OR56A3: variants seen among roughly 807,000 people sequenced by gnomAD.
The protein encoded by OR56A3 is olfactory receptor family 56 subfamily A member 3.
In OR56A3, 23 loss-of-function variants were observed where a neutral mutation model predicts 17.5. The observed-to-expected ratio is 1.32, with a 90% CI of 0.95 to 1.87. The LOEUF is 1.87. Ranked by LOEUF, OR56A3 falls within the 40% of genes most tolerant of loss-of-function variation. The pLI is 0.00. For missense variants in OR56A3, 366 were observed against 380.1 expected, an observed-to-expected ratio of 0.96 and a Z score of 0.31; for synonymous variants, 175 against 150.6, an observed-to-expected ratio of 1.16 and a Z score of -1.19.
chr11:5,997,888 AAATTGGAATGGGCAAGTGG>A, the OR56A3 span, among the ~76,000 whole-genome samples: 1 of 152,224 alleles, frequency 6.6e-6, no homozygotes, highest in Admixed American at 6.5e-5. Flanking sequence ...AATGGCTTCA[AAATTGGAATGGGCAAGTGG>A]AATATTTGTT....
At chr11:5,978,885 G>A in the OR56A3 span, among the ~76,000 whole-genome samples, 2 of 152,064 alleles carry the variant, frequency 1.3e-5, no homozygotes, top group Non-Finnish European at 2.9e-5. Flanking sequence ...TGTGAAGGAT[G>A]TTCCTTTGAT....
the OR56A3 span, chr11:6,002,249 G>A: frequency 6.2e-7 from 1 of 1,614,138 alleles, no homozygotes; most frequent in Non-Finnish European, 8.5e-7. Flanking sequence ...GGATGAGGAT[G>A]AAGTGGGAAC....
At chr11:5,970,273 A>G in the OR56A3 span, among the ~76,000 whole-genome samples, 2 of 152,246 alleles carry the variant, frequency 1.3e-5, no homozygotes, top group Non-Finnish European at 2.9e-5. Context: ...AAAGAGCAAA[A>G]GAGGTAAAGA....
the OR56A3 span, among the ~76,000 whole-genome samples, chr11:5,960,664 C>T: frequency 6.6e-6 from 1 of 152,342 alleles, no homozygotes; most frequent in East Asian, 1.9e-4. Context: ...AGATTGCAGC[C>T]TCTGCCCGGC....
downstream of OR56A3, among the ~76,000 whole-genome samples, chr11:5,953,272 G>C (rs1044138923): frequency 6.6e-6 from 1 of 152,122 alleles, no homozygotes; most frequent in Admixed American, 6.6e-5. Context: ...CCCACCAACA[G>C]CTTATATGCA....
the OR56A3 span, among the ~76,000 whole-genome samples, chr11:6,007,789 T>C: frequency 6.6e-6 from 1 of 152,160 alleles, no homozygotes; most frequent in East Asian, 1.9e-4. Context: ...TTCCCACCAA[T>C]GAAAGGAGCA....
the OR56A3 span, among the ~76,000 whole-genome samples, chr11:5,958,191 T>C: frequency 6.6e-6 from 1 of 152,174 alleles, no homozygotes; most frequent in African/African-American, 2.4e-5. Context: ...ACAGTACTTT[T>C]AGTCTGCATT....
the OR56A3 span, among the ~76,000 whole-genome samples, chr11:5,971,839 A>T: frequency 6.6e-6 from 1 of 152,220 alleles, no homozygotes; most frequent in Non-Finnish European, 1.5e-5. Flanking sequence ...AAACTGTACT[A>T]CACAGAAAAA....
chr11:5,969,440 T>A, the OR56A3 span, among the ~76,000 whole-genome samples: 9 of 152,238 alleles, frequency 5.9e-5, no homozygotes, highest in Non-Finnish European at 1.3e-4. Context: ...GATAGACTCA[T>A]AAACTCATCA....
At chr11:5,997,581 G>C in the OR56A3 span, among the ~76,000 whole-genome samples, 1 of 152,140 alleles carries the variant, frequency 6.6e-6, no homozygotes, top group Non-Finnish European at 1.5e-5. Flanking sequence ...AAACACAGAA[G>C]ATAAAATCCA....
At chr11:5,952,059 C>T (rs540449499), downstream of OR56A3, among the ~76,000 whole-genome samples, 1 of 152,126 alleles carries the variant, frequency 6.6e-6, no homozygotes, top group South Asian at 2.1e-4. Flanking sequence ...AGATATGTTC[C>T]AAGTGGAACT....
At chr11:5,959,424 T>G in the OR56A3 span, among the ~76,000 whole-genome samples, 1 of 152,234 alleles carries the variant, frequency 6.6e-6, no homozygotes, top group Non-Finnish European at 1.5e-5. Flanking sequence ...ATTAAGCATT[T>G]CTTTCTTATA....
downstream of OR56A3, among the ~76,000 whole-genome samples, chr11:5,954,589 G>A (rs73402165): frequency 0.016 from 2,485 of 152,054 alleles, 63 homozygotes; most frequent in African/African-American, 0.054. Context: ...TGTTTTCATT[G>A]GAAAGTGGGA....
At chr11:5,975,966 T>C in the OR56A3 span, among the ~76,000 whole-genome samples, 1 of 151,908 alleles carries the variant, frequency 6.6e-6, no homozygotes, top group Non-Finnish European at 1.5e-5. Context: ...CAATTTCCTT[T>C]CTAAATACAA....
At chr11:5,966,461 C>T in the OR56A3 span, among the ~76,000 whole-genome samples, 1 of 152,052 alleles carries the variant, frequency 6.6e-6, no homozygotes, top group African/African-American at 2.4e-5. Context: ...GATTAGGAGA[C>T]ATTCCGAAAT....
chr11:5,995,594 C>G, the OR56A3 span, among the ~76,000 whole-genome samples: 8 of 152,010 alleles, frequency 5.3e-5, no homozygotes, highest in African/African-American at 1.7e-4. Context: ...TTAAAGATTT[C>G]TTTTAGTATG....
chr11:5,963,604 T>C, the OR56A3 span, among the ~76,000 whole-genome samples: 3 of 152,176 alleles, frequency 2.0e-5, no homozygotes, highest in Admixed American at 1.3e-4. Context: ...TTGCTTATTT[T>C]CTCTTGCTGC....
the OR56A3 span, among the ~76,000 whole-genome samples, chr11:5,962,705 A>T: frequency 1.3e-5 from 2 of 151,754 alleles, no homozygotes; most frequent in African/African-American, 4.8e-5. Context: ...CGCCCGGCTA[A>T]TTTTTTGTAT....
chr11:5,984,464 T>C, the OR56A3 span, among the ~76,000 whole-genome samples: 1 of 152,122 alleles, frequency 6.6e-6, no homozygotes, highest in African/African-American at 2.4e-5. Context: ...CTCTTCCATC[T>C]TCAGTTCACA....
Sources: gnomAD v4.1 joint callset for allele counts (sites outside exome capture counted in the v4.1 genomes callset) on GRCh38, gnomAD v4.1.1 for gene constraint, MANE v1.5 for transcripts, NCBI Gene and HGNC (gene_info 2026-07-23, HGNC 2026-07-21) for gene names.